RABGAP1L: variants seen among roughly 807,000 people sequenced by gnomAD.
RABGAP1L encodes the protein RAB GTPase activating protein 1 like.
Under a neutral mutation model 137.7 loss-of-function variants are expected in RABGAP1L, and 63 were observed. That is an observed-to-expected ratio of 0.46 (90% CI 0.37 to 0.56). RABGAP1L has a LOEUF of 0.56. RABGAP1L is among the 20% of genes least tolerant of loss of function. The probability of loss-of-function intolerance (pLI) is 0.00; values close to 1 mark genes in which losing one functional copy is unlikely to be tolerated. For missense variants in RABGAP1L, 1,095 were observed against 1,244.0 expected (o/e 0.88, Z 1.80); for synonymous variants, 431 against 433.7 (o/e 0.99, Z 0.08).
chr1:174,491,195 A>G (rs1270451180), intron 13 of RABGAP1L, among the ~76,000 whole-genome samples: 2 of 152,080 alleles, frequency 1.3e-5, no homozygotes, highest in South Asian at 2.1e-4. Context: ...CCTGAAGCCA[A>G]CATGTCTCAG....
chr1:174,213,184 G>A (rs545034061), intron 1 of RABGAP1L, among the ~76,000 whole-genome samples: 52 of 152,318 alleles, frequency 3.4e-4, no homozygotes, highest in Non-Finnish European at 5.7e-4. Flanking sequence ...CAGCACTTTG[G>A]GAGGCTGAGG....
intron 5 of RABGAP1L, chr1:174,244,920 ATG>A (rs1672131131): frequency 6.6e-6 from 1 of 152,178 alleles, no homozygotes; most frequent in Non-Finnish European, 1.5e-5. Context: ...TTATGGAAGC[ATG>A]TTTTTTGTCA....
At chr1:174,819,185 T>C (rs1325749518) in intron 19 of RABGAP1L, among the ~76,000 whole-genome samples, 1 of 90,476 alleles carries the variant, frequency 1.1e-5, no homozygotes, top group Non-Finnish European at 2.0e-5. Flanking sequence ...TCTGCCTGTC[T>C]CTAAAAAAAA....
At chr1:174,428,799 TA>T (rs745466067) in intron 13 of RABGAP1L, among the ~76,000 whole-genome samples, 2 of 152,180 alleles carry the variant, frequency 1.3e-5, no homozygotes, top group Non-Finnish European at 2.9e-5. Context: ...TACATGGAGA[TA>T]TACAATTAAA....
chr1:174,988,559 C>T, intron 24 of RABGAP1L, 82 bp from the exon 25 acceptor site: 1 of 1,224,814 alleles, frequency 8.2e-7, no homozygotes. Flanking sequence ...TAAGCAGCAT[C>T]TAAAAAAGTC....
At chr1:174,709,623 T>C (rs1441132696) in intron 17 of RABGAP1L, among the ~76,000 whole-genome samples, 1 of 152,008 alleles carries the variant, frequency 6.6e-6, no homozygotes, top group Non-Finnish European at 1.5e-5. Flanking sequence ...CAGAAAGCAA[T>C]AGTATCAACA....
intron 13 of RABGAP1L, among the ~76,000 whole-genome samples, chr1:174,400,299 G>T (rs1293339277): frequency 6.6e-6 from 1 of 152,086 alleles, no homozygotes; most frequent in Non-Finnish European, 1.5e-5. Context: ...TATGTCAGCA[G>T]CCATTGCTTG....
intron 1 of RABGAP1L, among the ~76,000 whole-genome samples, chr1:174,174,066 C>T (rs1205580839): frequency 6.6e-6 from 1 of 151,922 alleles, no homozygotes. Flanking sequence ...ATATATGATA[C>T]TTAAGGTTTC....
intron 13 of RABGAP1L, among the ~76,000 whole-genome samples, chr1:174,611,007 C>T (rs1671192767): frequency 6.7e-6 from 1 of 150,076 alleles, no homozygotes. Context: ...CTGTAGGTTG[C>T]CTGTTCACTC....
chr1:174,357,790 C>T (rs1386919856), intron 11 of RABGAP1L, among the ~76,000 whole-genome samples: 1 of 152,146 alleles, frequency 6.6e-6, no homozygotes, highest in Non-Finnish European at 1.5e-5. Flanking sequence ...TTAATGTCTC[C>T]ACTTTCCTCT....
intron 19 of RABGAP1L, among the ~76,000 whole-genome samples, chr1:174,954,758 C>G (rs991835898): frequency 1.3e-5 from 2 of 152,150 alleles, no homozygotes; most frequent in African/African-American, 2.4e-5. Flanking sequence ...GGAGTAGGCT[C>G]TCTCCTCACA....
chr1:174,875,750 C>T (rs1346889695), intron 19 of RABGAP1L: 1 of 951,956 alleles, frequency 1.1e-6, no homozygotes. Context: ...TGCCTTGTCT[C>T]CTGATTATCA....
chr1:174,386,564 A>G (rs945466785), intron 12 of RABGAP1L, among the ~76,000 whole-genome samples: 5 of 151,292 alleles, frequency 3.3e-5, no homozygotes, highest in Non-Finnish European at 7.4e-5. Flanking sequence ...CTGGAGTGCA[A>G]TGGGGCGATC....
intron 11 of RABGAP1L, among the ~76,000 whole-genome samples, chr1:174,311,041 C>G (rs1678785386): frequency 6.6e-6 from 1 of 152,084 alleles, no homozygotes; most frequent in Non-Finnish European, 1.5e-5. Context: ...CCCGCCTCCC[C>G]CTGCAACCCA....
At chr1:174,590,225 C>T (rs1323180460) in intron 13 of RABGAP1L, among the ~76,000 whole-genome samples, 1 of 134,598 alleles carries the variant, frequency 7.4e-6, no homozygotes, top group Non-Finnish European at 1.5e-5. Context: ...TTAAAATGGA[C>T]TAATACACAA....
intron 17 of RABGAP1L, 52 bp from the exon 18 acceptor site, chr1:174,752,256 TAATAA>T: frequency 1.6e-6 from 2 of 1,240,396 alleles, no homozygotes; most frequent in Non-Finnish European, 2.3e-6. Flanking sequence ...CTTGGGGAAA[TAATAA>T]AATAGTGATA....
rs1553272544 is a variant in RABGAP1L at position 174,318,580 on chromosome 1, T to TTTTCTTTCCTTCTTTCTTTC, written c.1465+13461_1465+13462insCTTCTTTCTTTCTTTCTTTC. Among the ~76,000 whole-genome samples, 4 of 117,550 alleles carry TTTTCTTTCCTTCTTTCTTTC rather than the reference T, an allele frequency of 3.4e-5. No homozygotes were observed. In the Admixed American group the frequency reaches 3.6e-4, roughly 10 times the overall value. The allele number at this position is 117,550 out of a possible 152,430, so 77.1% of individuals were successfully genotyped here. Reference sequence around the variant, plus strand: ...ACTTTTTACTGCCATTTGGTGATTGTTTTCTTTCTTTCTTTCTTTCTTTCT... The same window carrying TTTTCTTTCCTTCTTTCTTTC: ...ACTTTTTACTGCCATTTGGTGATTGTTTTCTTTCCTTCTTTCTTTCTTTCTTTCTTTCTTTCTTTCTTTCT... On this transcript the variant is annotated intron_variant, in intron 11 of 25. Coordinates refer to ENST00000681986, the MANE Select transcript of RABGAP1L (RefSeq NM_001366446.1).
intron 13 of RABGAP1L, among the ~76,000 whole-genome samples, chr1:174,600,304 C>A (rs908166288): frequency 1.3e-5 from 2 of 152,146 alleles, no homozygotes; most frequent in Non-Finnish European, 2.9e-5. Flanking sequence ...GACAGCCAAA[C>A]CATATCTTTC....
chr1:174,931,608 G>T (rs185445657), intron 19 of RABGAP1L, among the ~76,000 whole-genome samples: 1 of 152,210 alleles, frequency 6.6e-6, no homozygotes, highest in East Asian at 1.9e-4. Context: ...TTGCCTAAAG[G>T]TATTAAAAAT....
Sources: gnomAD v4.1 joint callset for allele counts (sites outside exome capture counted in the v4.1 genomes callset) on GRCh38, gnomAD v4.1.1 for gene constraint, MANE v1.5 for transcripts, NCBI Gene and HGNC (gene_info 2026-07-23, HGNC 2026-07-21) for gene names.